The following RRM1 variants were observed in gnomAD, a reference collection of about 807,000 sequenced individuals.
The protein encoded by RRM1 is ribonucleoside-diphosphate reductase large subunit.
A neutral mutation model predicts 101.5 loss-of-function variants in RRM1; 19 were observed. The ratio of observed to expected loss-of-function variants is 0.19; its 90% confidence interval spans 0.13 to 0.27. The LOEUF (loss-of-function observed/expected upper bound fraction) is 0.27. Among genes scored for constraint, RRM1 ranks in the 10% least tolerant of loss-of-function variants. The pLI is 1.00. For synonymous variants in RRM1, 298 were observed against 323.4 expected, an observed-to-expected ratio of 0.92 and a Z score of 0.84; for missense variants, 500 against 962.9, an observed-to-expected ratio of 0.52 and a Z score of 6.36.
Position 4,106,229 on chromosome 11 carries a change from T to C in RRM1, c.286+6T>C. 6.2e-7 allele frequency: 1 copy of C among 1,611,458 alleles called. No individual in the cohort carries two copies. Among genetic ancestry groups the C allele is most frequent in the Non-Finnish European group, 8.5e-7 (1 of 1,178,620 alleles). On this transcript the variant is annotated splice_donor_region_variant and intron_variant, in intron 3 of 18. Transcript: ENST00000300738. ...AACAAAGAAAGTGTTCAGTGGTAAGTCTGGGGTGAAAAAGTAAAAATTTAG... is the reference window on the plus strand; with the variant it reads ...AACAAAGAAAGTGTTCAGTGGTAAGCCTGGGGTGAAAAAGTAAAAATTTAG...
intron 1 of RRM1, among the ~76,000 whole-genome samples, chr11:4,101,559 A>ACCCCCCCCCCCCCC: frequency 9.4e-6 from 1 of 105,884 alleles, no homozygotes; most frequent in Admixed American, 9.7e-5. Flanking sequence ...AGTGATCCAC[A>ACCCCCCCCCCCCCC]CCCCCCCCCG....
intron 8 of RRM1, 58 bp downstream of exon 8, chr11:4,118,519 C>G: frequency 6.3e-7 from 1 of 1,595,838 alleles, no homozygotes; most frequent in Non-Finnish European, 8.6e-7. Flanking sequence ...CAAACAGATT[C>G]ATGGTTGAGA....
chr11:4,131,670 AGT>A (rs2094600731), intron 15 of RRM1, among the ~76,000 whole-genome samples: 1 of 152,248 alleles, frequency 6.6e-6, no homozygotes, highest in South Asian at 2.1e-4. Flanking sequence ...GAGATTTCTC[AGT>A]GTGTCAGATA....
chr11:4,131,784 G>A (rs146154821), intron 15 of RRM1, among the ~76,000 whole-genome samples: 1 of 152,268 alleles, frequency 6.6e-6, no homozygotes, highest in East Asian at 1.9e-4. Flanking sequence ...ACAGGATAAT[G>A]GAGAATTGTG....
rs187782334 is a variant in RRM1 at position 4,105,158 on chromosome 11, A to G, written c.109-888A>G. 3.8e-3 allele frequency among the ~76,000 whole-genome samples: 572 copies of G among 152,188 alleles called. 1 individual carries two copies. The highest frequency in any genetic ancestry group is 0.013 in the African/African-American group (546 of 41,516). On this transcript the variant is annotated intron_variant, in intron 2 of 18. Coordinates refer to ENST00000300738, the MANE Select transcript of RRM1 (RefSeq NM_001033.5). ...ATACATTTTCTGATAGTTCTGCTGG[A>G]TTATGCATTCTCATTACTAAGTTTC...
chr11:4,097,697 T>G (rs982514266), intron 1 of RRM1, among the ~76,000 whole-genome samples: 4 of 152,098 alleles, frequency 2.6e-5, no homozygotes, highest in Admixed American at 1.3e-4. Context: ...GTTCAAGAGA[T>G]TCTCCTGCCT....
chr11:4,130,104 TCCCCTCAAAATACTATGGC>T (rs1565189544), intron 15 of RRM1, among the ~76,000 whole-genome samples: 12 of 90,574 alleles, frequency 1.3e-4, no homozygotes, highest in African/African-American at 5.2e-4. Flanking sequence ...TTTTTTTTTT[TCCCCTCAAAATACTATGGC>T]TTAGTTTTTT....
At chr11:4,096,128 C>T (rs2094543234) in intron 1 of RRM1, among the ~76,000 whole-genome samples, 2 of 152,126 alleles carry the variant, frequency 1.3e-5, no homozygotes, top group South Asian at 4.1e-4. Context: ...TGGGCTCAAG[C>T]GATGCTCTTG....
At chr11:4,120,677 T>TAAAACA in intron 9 of RRM1, among the ~76,000 whole-genome samples, 1 of 152,284 alleles carries the variant, frequency 6.6e-6, no homozygotes, top group South Asian at 2.1e-4. Flanking sequence ...AGGTTGTTCT[T>TAAAACA]AAAACAAAAA....
intron 7 of RRM1, among the ~76,000 whole-genome samples, chr11:4,114,709 T>C (rs763827268): frequency 5.3e-5 from 8 of 152,154 alleles, no homozygotes; most frequent in African/African-American, 9.7e-5. Context: ...TAGTCCATCG[T>C]TGACTTTTTT....
intron 7 of RRM1, among the ~76,000 whole-genome samples, chr11:4,117,193 A>G (rs1455870135): frequency 6.6e-6 from 1 of 152,230 alleles, no homozygotes; most frequent in Admixed American, 6.5e-5. Flanking sequence ...AGGAAATCTC[A>G]TACATTGCTA....
At chr11:4,107,601 A>G (rs2094560018) in intron 4 of RRM1, 66 bp downstream of exon 4, 1 of 1,001,874 alleles carries the variant, frequency 1.0e-6, no homozygotes, top group Admixed American at 1.8e-5. Flanking sequence ...CACATTTTAG[A>G]AAATTTAAAC....
chr11:4,116,923 T>C (rs758878215), intron 7 of RRM1, among the ~76,000 whole-genome samples: 4 of 150,928 alleles, frequency 2.7e-5, no homozygotes, highest in Non-Finnish European at 5.9e-5. Context: ...GCTATGATCA[T>C]GCCACTGCAC....
At chr11:4,109,460 A>G (rs2094562529) in intron 4 of RRM1, among the ~76,000 whole-genome samples, 184 bp from the exon 5 acceptor site, 1 of 152,118 alleles carries the variant, frequency 6.6e-6, no homozygotes. Flanking sequence ...TACTTAATTT[A>G]TATGTATTGT....
intron 9 of RRM1, among the ~76,000 whole-genome samples, chr11:4,120,593 T>A (rs1001905519): frequency 6.6e-6 from 1 of 152,154 alleles, no homozygotes; most frequent in African/African-American, 2.4e-5. Context: ...CTCAAACTCC[T>A]AGGCTCAAGC....
intron 12 of RRM1, 101 bp downstream of exon 12, chr11:4,123,485 G>A (rs2094584872): frequency 2.2e-6 from 2 of 916,754 alleles, no homozygotes; most frequent in African/African-American, 3.3e-5. Flanking sequence ...AGTGAAGGGA[G>A]TTTGCATAGT....
Position 4,127,263 on chromosome 11 carries a change from A to T in RRM1, c.1692+7A>T. 6.5e-7 allele frequency: 1 copy of T among 1,549,548 alleles called. No individual in the cohort carries two copies. Among genetic ancestry groups the T allele is most frequent in the Non-Finnish European group, 8.7e-7 (1 of 1,151,904 alleles). On this transcript the variant is annotated splice_region_variant and intron_variant, in intron 14 of 18. Transcript: ENST00000300738. ...CTCTCCAGTTAGCAAAGGAGTAAGT[A>T]TATGGATGGAATTGTTTTTGCCTGT...
chr11:4,096,272 C>T (rs569342871), intron 1 of RRM1, among the ~76,000 whole-genome samples: 1 of 152,210 alleles, frequency 6.6e-6, no homozygotes, highest in Non-Finnish European at 1.5e-5. Flanking sequence ...AAACCATCCT[C>T]CCTTCCTTGG....
intron 7 of RRM1, among the ~76,000 whole-genome samples, chr11:4,114,939 C>T (rs915068554): frequency 2.6e-5 from 4 of 152,150 alleles, no homozygotes; most frequent in Non-Finnish European, 4.4e-5. Context: ...TCTCAAACTC[C>T]TGACCTTGAG....
Sources: allele counts gnomAD v4.1 joint callset (sites outside exome capture counted in the v4.1 genomes callset), GRCh38; gene constraint gnomAD v4.1.1; transcripts MANE v1.5; gene names NCBI Gene and HGNC (gene_info 2026-07-23, HGNC 2026-07-21).